TNFSF4: variants seen among roughly 807,000 people sequenced by gnomAD.
TNFSF4 encodes TNF superfamily member 4.
TNFSF4 carries 4 observed loss-of-function variants against 7.3 expected under a neutral mutation model. That is an observed-to-expected ratio of 0.55 (90% CI 0.27 to 1.25). TNFSF4 has a LOEUF of 1.25. TNFSF4 is among the 50% of genes most tolerant of loss of function. TNFSF4 has a pLI of 0.12. For synonymous variants in TNFSF4, 76 were observed against 83.7 expected (o/e 0.91, Z 0.50); for missense variants, 181 against 208.8 (o/e 0.87, Z 0.82).
At chr1:173,440,457 A>T in the TNFSF4 span, 5 of 152,008 alleles carry the variant, frequency 3.3e-5, no homozygotes, top group Non-Finnish European at 7.4e-5. Context: ...AGAAAAAAAA[A>T]CCTACCCTCC....
the TNFSF4 span, among the ~76,000 whole-genome samples, chr1:173,284,552 AGAG>A: frequency 6.6e-6 from 1 of 152,222 alleles, no homozygotes; most frequent in Admixed American, 6.5e-5. Flanking sequence ...TCATAGCCAG[AGAG>A]GAGAAGTCAG....
chr1:173,390,737 C>CTTTTTTTTTTTTTTTTTT, the TNFSF4 span, among the ~76,000 whole-genome samples: 1 of 131,604 alleles, frequency 7.6e-6, no homozygotes, highest in Non-Finnish European at 1.6e-5. Flanking sequence ...CATTCTGCTT[C>CTTTTTTTTTTTTTTTTTT]TTTTTTTTTT....
At chr1:173,286,491 G>A in the TNFSF4 span, among the ~76,000 whole-genome samples, 1 of 152,194 alleles carries the variant, frequency 6.6e-6, no homozygotes, top group African/African-American at 2.4e-5. Context: ...CACTAATTCA[G>A]TCAGGAAAGT....
rs190229248 is a variant in TNFSF4 at position 173,203,577 on chromosome 1, T to G, written c.153+3447A>C. On this transcript the variant is annotated intron_variant, in intron 1 of 2. Transcript: ENST00000281834. ...TAAATGATACAAAGAAAGGTCCAAG[T>G]TGTAGCCCGAAACTTCATTAAGAAA... is the stretch of plus-strand genomic sequence containing the variant. Among the ~76,000 whole-genome samples, 374 of 152,308 alleles carry G rather than the reference T, an allele frequency of 2.5e-3. 3 individuals are homozygous for G. Among genetic ancestry groups the G allele is most frequent in the Admixed American group, 0.022 (338 of 15,288 alleles).
At chr1:173,398,917 T>G in the TNFSF4 span, among the ~76,000 whole-genome samples, 1 of 152,080 alleles carries the variant, frequency 6.6e-6, no homozygotes, top group Non-Finnish European at 1.5e-5. Flanking sequence ...AATTAACACT[T>G]GAGATTTTGA....
At chr1:173,402,434 A>C in the TNFSF4 span, among the ~76,000 whole-genome samples, 2 of 152,214 alleles carry the variant, frequency 1.3e-5, no homozygotes, top group African/African-American at 4.8e-5. Context: ...TGCCACAACC[A>C]AAACCCAACC....
At chr1:173,314,092 A>C in the TNFSF4 span, among the ~76,000 whole-genome samples, 1 of 152,074 alleles carries the variant, frequency 6.6e-6, no homozygotes, top group Non-Finnish European at 1.5e-5. Context: ...TACATAATAA[A>C]AATTATAATA....
upstream of TNFSF4, among the ~76,000 whole-genome samples, chr1:173,210,191 T>C (rs150344035): frequency 6.6e-6 from 1 of 152,266 alleles, no homozygotes; most frequent in African/African-American, 2.4e-5. Flanking sequence ...CTGAGCCAAA[T>C]ACTAGAGGAA....
the TNFSF4 span, among the ~76,000 whole-genome samples, chr1:173,446,522 A>C: frequency 1.3e-5 from 2 of 152,138 alleles, no homozygotes; most frequent in South Asian, 4.1e-4. Flanking sequence ...AAGGATGCAA[A>C]GTATTGTTCC....
chr1:173,303,099 G>A, the TNFSF4 span, among the ~76,000 whole-genome samples: 1 of 151,872 alleles, frequency 6.6e-6, no homozygotes, highest in African/African-American at 2.4e-5. Flanking sequence ...TTCTGACCAA[G>A]TTAGGTCAGA....
At chr1:173,228,944 C>T in the TNFSF4 span, among the ~76,000 whole-genome samples, 2 of 152,192 alleles carry the variant, frequency 1.3e-5, no homozygotes, top group Admixed American at 1.3e-4. Flanking sequence ...GAGACCAAAT[C>T]TATGTCTGAC....
At chr1:173,368,547 G>A in the TNFSF4 span, among the ~76,000 whole-genome samples, 2,576 of 152,218 alleles carry the variant, frequency 0.017, 64 homozygotes, top group African/African-American at 0.059. Context: ...CTAAAGACAC[G>A]GGTGTCAGGC....
chr1:173,385,872 A>G, the TNFSF4 span, among the ~76,000 whole-genome samples: 1 of 152,188 alleles, frequency 6.6e-6, no homozygotes, highest in Non-Finnish European at 1.5e-5. Context: ...ATTTATCATC[A>G]GAAGGGTAGC....
chr1:173,284,528 G>T, the TNFSF4 span, among the ~76,000 whole-genome samples: 1 of 152,186 alleles, frequency 6.6e-6, no homozygotes, highest in South Asian at 2.1e-4. Context: ...AGAAGGAGAT[G>T]CCATCTAGAA....
the TNFSF4 span, among the ~76,000 whole-genome samples, chr1:173,231,500 G>A: frequency 6.6e-6 from 1 of 152,172 alleles, no homozygotes; most frequent in Admixed American, 6.5e-5. Flanking sequence ...TACTGAATGG[G>A]CAAAAACTGG....
At chr1:173,233,858 A>T in the TNFSF4 span, among the ~76,000 whole-genome samples, 1 of 152,342 alleles carries the variant, frequency 6.6e-6, no homozygotes, top group East Asian at 1.9e-4. Flanking sequence ...AAGAAAACCT[A>T]GGCAATACCA....
chr1:173,354,429 C>T, the TNFSF4 span, among the ~76,000 whole-genome samples: 1 of 151,566 alleles, frequency 6.6e-6, no homozygotes, highest in Admixed American at 6.6e-5. Context: ...AGAGCTGGTA[C>T]CATTCCTACT....
the TNFSF4 span, among the ~76,000 whole-genome samples, chr1:173,352,865 T>G: frequency 6.6e-6 from 1 of 152,074 alleles, no homozygotes; most frequent in Non-Finnish European, 1.5e-5. Flanking sequence ...AGAGCAGCCG[T>G]TTTAGAGGCC....
At chr1:173,270,839 G>T in the TNFSF4 span, among the ~76,000 whole-genome samples, 23 of 152,178 alleles carry the variant, frequency 1.5e-4, 1 homozygote, top group East Asian at 3.9e-4. Flanking sequence ...TGGCACTAGA[G>T]TCATAATCTG....
Sources: allele counts gnomAD v4.1 joint callset (sites outside exome capture counted in the v4.1 genomes callset), GRCh38; gene constraint gnomAD v4.1.1; transcripts MANE v1.5; gene names NCBI Gene and HGNC (gene_info 2026-07-23, HGNC 2026-07-21).